MCM3AP: variants seen among roughly 807,000 people sequenced by gnomAD.
MCM3AP encodes minichromosome maintenance complex component 3 associated protein.
A neutral mutation model predicts 184.1 loss-of-function variants in MCM3AP; 126 were observed. The observed-to-expected ratio is 0.68, with a 90% CI of 0.59 to 0.79. The LOEUF is 0.79. MCM3AP is among the 30% of genes least tolerant of loss of function. The probability of loss-of-function intolerance (pLI) is 0.00; values close to 1 mark genes in which losing one functional copy is unlikely to be tolerated. For synonymous variants in MCM3AP, 1,002 were observed against 979.3 expected (o/e 1.02, Z -0.43); for missense variants, 2,496 against 2,479.2 (o/e 1.01, Z -0.14).
At chr21:46,253,593 G>C (rs1271763406) in intron 19 of MCM3AP, 4 of 151,902 alleles carry the variant, frequency 2.6e-5, no homozygotes, top group African/African-American at 2.4e-5. Flanking sequence ...ATGATAGTGA[G>C]CTCTCACGAG....
intron 16 of MCM3AP, among the ~76,000 whole-genome samples, chr21:46,258,347 A>G (rs2080988071): frequency 6.6e-6 from 1 of 152,232 alleles, no homozygotes; most frequent in African/African-American, 2.4e-5. Context: ...AGATTAATAA[A>G]TCATCAAGCA....
chr21:46,253,151 C>CAA (rs10651895), intron 19 of MCM3AP: 152,054 of 152,360 alleles, frequency 1, 75,876 homozygotes, highest in Middle Eastern at 1. Flanking sequence ...CAAAAAAACA[C>CAA]AGAGACTGTA....
chr21:46,235,447 C>G lies in MCM3AP; in HGVS notation c.5785-21G>C, dbSNP rs1198153898. 3 of 1,612,374 alleles carry G rather than the reference C, an allele frequency of 1.9e-6. No individual in the cohort carries two copies. The East Asian group carries it at 6.7e-5, about 36-fold the overall frequency. Reference sequence around the variant, plus strand: ...TCACTCTATTTGAATAAAAAAGAAACTGAACAGTTTTGGGATGTCAATAAA... The same window carrying G: ...TCACTCTATTTGAATAAAAAAGAAAGTGAACAGTTTTGGGATGTCAATAAA... On this transcript the variant is annotated intron_variant, in intron 27 of 27. Transcript: ENST00000291688.
intron 12 of MCM3AP, 82 bp from the exon 13 acceptor site, chr21:46,264,299 C>CTGCA: frequency 1.2e-6 from 1 of 841,980 alleles, no homozygotes; most frequent in Non-Finnish European, 1.9e-6. Flanking sequence ...ACCGGACAGT[C>CTGCA]TGCAGGCGTC....
At position 46,284,079 on chromosome 21, in the gene MCM3AP, T is replaced by C. The variant is rs1001697386; in HGVS notation, c.1208A>G (p.Glu403Gly). ...VNKEEETESR[E>G]KKEDSLRGTP... ...TTTTCAGAGCTCACCTTCTTTCTTCTCTCTACTTTCAGTTTCTTCCTCTTT... is the reference window on the plus strand; with the variant it reads ...TTTTCAGAGCTCACCTTCTTTCTTCCCTCTACTTTCAGTTTCTTCCTCTTT... The change falls in exon 1 of 28, where the codon GAG becomes GGG. Residue 403 changes from glutamate to glycine, a missense_variant. Physicochemically the swap from Glu to Gly is moderately conservative, Grantham distance 98 (BLOSUM62 -2). This residue lies in a region of MCM3AP where 800 missense variants were observed against 717.1 expected (regional missense o/e 1.12). Transcript: ENST00000291688. 1.9e-6 allele frequency: 3 copies of C among 1,611,430 alleles called. No homozygotes were observed. Among genetic ancestry groups the C allele is most frequent in the Non-Finnish European group, 2.5e-6 (3 of 1,178,546 alleles).
chr21:46,274,807 T>C (rs1006687214), intron 6 of MCM3AP, among the ~76,000 whole-genome samples: 1 of 151,708 alleles, frequency 6.6e-6, no homozygotes, highest in African/African-American at 2.4e-5. Context: ...TGGTGGAGCA[T>C]GCCTGTAATC....
Position 46,275,384 on chromosome 21 carries a change from A to G in MCM3AP, c.1859-59T>C. 2.1e-6 allele frequency: 3 copies of G among 1,411,792 alleles called. No homozygotes were observed. In the South Asian group the frequency reaches 3.9e-5, roughly 19 times the overall value. 87.5% of individuals were successfully genotyped at this position (1,411,792 alleles called of 1,614,324 possible). A position where few individuals can be genotyped will look rare whatever the true frequency, so the allele number is the denominator to read the frequency against. ...CACATGGTTAGCACGAACCTACAGA[A>G]GTGTATTCTCATAATGATAAAAAGA... is the stretch of plus-strand genomic sequence containing the variant. On this transcript the variant is annotated intron_variant, in intron 5 of 27. Transcript: ENST00000291688.
At chr21:46,272,230 G>A (rs1339357598) in intron 8 of MCM3AP, among the ~76,000 whole-genome samples, 4 of 152,088 alleles carry the variant, frequency 2.6e-5, no homozygotes, top group Non-Finnish European at 1.5e-5. Flanking sequence ...AACCTTGCAG[G>A]GCACCTGGAA....
intron 16 of MCM3AP, among the ~76,000 whole-genome samples, chr21:46,257,229 C>T (rs1445148446): frequency 6.6e-6 from 1 of 152,146 alleles, no homozygotes; most frequent in Non-Finnish European, 1.5e-5. Flanking sequence ...AATCCCAGCA[C>T]TTTGGGAGGC....
rs1601493825 is a variant in MCM3AP, at chr21:46,246,627, C to T, written c.4549+1G>A. Reference sequence around the variant, plus strand: ...TCATAAACGAGACTTCCTTCACAAACCATCTTCTACTTCCTTCTCAACGGC... The same window carrying T: ...TCATAAACGAGACTTCCTTCACAAATCATCTTCTACTTCCTTCTCAACGGC... On this transcript the variant is annotated splice_donor_variant, in intron 21 of 27. Coordinates refer to ENST00000291688, the MANE Select transcript of MCM3AP (RefSeq NM_003906.5). LOFTEE classifies it high-confidence loss of function. 4.4e-6 allele frequency: 7 copies of T among 1,608,088 alleles called. No homozygotes were observed. Among genetic ancestry groups the T allele is most frequent in the Non-Finnish European group, 6.0e-6 (7 of 1,174,864 alleles).
rs757774568 is a variant in MCM3AP at position 46,270,403 on chromosome 21, G to C, written c.2626C>G (p.Gln876Glu). ...NACLLHCYFS[Q>E]IRKDALRALN... The stretch of plus-strand genomic sequence containing the variant: ...GCAAGCACAGCTCATTTACTCACCT[G>C]ACTGAAGTAACAGTGTAAAAGACAA... The change falls in exon 9 of 28, where the codon CAG becomes GAG. Residue 876 changes from glutamine (Q) to glutamate (E), a missense_variant and splice_region_variant. Around this residue, in one of 5 missense-constraint regions of MCM3AP, gnomAD observed 138 missense variants for 191.9 expected, o/e 0.72. Coordinates refer to ENST00000291688, the MANE Select transcript of MCM3AP (RefSeq NM_003906.5). 2 of 1,610,004 alleles carry C rather than the reference G, an allele frequency of 1.2e-6. No individual in the cohort carries two copies. Among genetic ancestry groups the C allele is most frequent in the African/African-American group, 2.7e-5 (2 of 74,796 alleles).
chr21:46,251,580 G>A lies in MCM3AP; in HGVS notation c.4239C>T (p.Asn1413=). 1 of 1,612,874 alleles carries A rather than the reference G, an allele frequency of 6.2e-7. No individual in the cohort carries two copies. The highest frequency in any genetic ancestry group is 1.1e-5 in the South Asian group (1 of 91,016). ...TCTGATCCCCTTTGCTGCTAAGTGA[G>A]TTGAAAAGCGAAAGCGTCTGAATCC... ...AGGIQTLSLF[N]SLSSKGDQMI... Residue 1413 remains asparagine (N), a synonymous_variant, in exon 20 of 28, where the codon AAC becomes AAT. Transcript: ENST00000291688.
At chr21:46,244,291 C>G (rs1467923542) in intron 23 of MCM3AP, among the ~76,000 whole-genome samples, 2 of 152,266 alleles carry the variant, frequency 1.3e-5, no homozygotes. Context: ...AGCCAGATGG[C>G]CTGTCGGATC....
At chr21:46,264,250 C>G in intron 12 of MCM3AP, 33 bp from the exon 13 acceptor site, 1 of 1,395,136 alleles carries the variant, frequency 7.2e-7, no homozygotes, top group Non-Finnish European at 1.0e-6. Flanking sequence ...TGTAATGGAA[C>G]GTCCCACCCA....
chr21:46,258,164 TC>T (rs746041992), intron 16 of MCM3AP, among the ~76,000 whole-genome samples: 23 of 152,284 alleles, frequency 1.5e-4, no homozygotes, highest in African/African-American at 3.8e-4. Context: ...CTGGATGGTT[TC>T]GCAAGCAGCT....
chr21:46,246,297 GA>G lies in MCM3AP; in HGVS notation c.4647+9del, dbSNP rs1161821193. 1.3e-6 allele frequency: 2 copies of G among 1,546,312 alleles called. No homozygotes were observed. Among genetic ancestry groups the G allele is most frequent in the African/African-American group, 2.7e-5 (2 of 73,598 alleles). On this transcript the variant is annotated intron_variant, in intron 22 of 27. Coordinates refer to ENST00000291688, the MANE Select transcript of MCM3AP (RefSeq NM_003906.5). ...ATCTTGACAGACCATTAAAAATGAT[GA>G]AACCTTACCTTAGTTGAACCTTGTA...
At chr21:46,273,286 A>AT in intron 7 of MCM3AP, 102 bp downstream of exon 7, 1 of 1,198,726 alleles carries the variant, frequency 8.3e-7, no homozygotes, top group Non-Finnish European at 1.2e-6. Flanking sequence ...ACAAAAGTAC[A>AT]TTTTTGTTAC....
Position 46,260,919 on chromosome 21 carries a change from GA to G in MCM3AP, c.3468-14del. 5 of 1,540,316 alleles carry G rather than the reference GA, an allele frequency of 3.2e-6. No homozygotes were observed. The highest frequency in any genetic ancestry group is 4.5e-6 in the Non-Finnish European group (5 of 1,114,588). ...CTCTTGTTTCAACCTACAGGGAAGA[GA>G]AAAAATACACAAGGGTAATGTTTAA... On this transcript the variant is annotated splice_polypyrimidine_tract_variant and intron_variant, in intron 14 of 27. Coordinates refer to ENST00000291688, the MANE Select transcript of MCM3AP (RefSeq NM_003906.5).
intron 19 of MCM3AP, 163 bp downstream of exon 19, chr21:46,254,229 A>G: frequency 1.4e-6 from 1 of 728,924 alleles, no homozygotes; most frequent in Non-Finnish European, 2.2e-6. Context: ...TAAAGTTTCA[A>G]CTTAAAATCA....
Sources: gnomAD v4.1 joint callset for allele counts (sites outside exome capture counted in the v4.1 genomes callset) on GRCh38, gnomAD v4.1.1 for gene constraint, gnomAD v4.1.1 regional missense constraint, MANE v1.5 for transcripts, NCBI Gene and HGNC (gene_info 2026-07-23, HGNC 2026-07-21) for gene names.